Variants in LDB3 observed in about 807,000 individuals in gnomAD.
LDB3 encodes the protein LIM domain binding 3, also known as LIM domain-binding protein 3.
Under a neutral mutation model 69.0 loss-of-function variants are expected in LDB3, and 49 were observed. The observed-to-expected ratio is 0.71, with a 90% CI of 0.56 to 0.90. LDB3 has a LOEUF of 0.90. Among genes scored for constraint, LDB3 ranks in the 40% least tolerant of loss-of-function variants. The pLI is 0.00. For synonymous variants in LDB3, 387 were observed against 396.2 expected (o/e 0.98, Z 0.28); for missense variants, 928 against 974.1 (o/e 0.95, Z 0.63).
intron 13 of LDB3, among the ~76,000 whole-genome samples, chr10:86,726,771 T>TAGGAAAGG (rs1389003552): frequency 3.3e-5 from 5 of 152,322 alleles, no homozygotes; most frequent in African/African-American, 9.6e-5. Context: ...AAGTGGTCCT[T>TAGGAAAGG]TCCTGATATA....
chr10:86,668,700 C>T lies in LDB3; in HGVS notation c.9C>T (p.Tyr3=). The change falls in exon 2 of 14, where the codon TAC becomes TAT. Residue 3 remains tyrosine (Y), a synonymous_variant. Coordinates refer to ENST00000361373, the MANE Select transcript of LDB3 (RefSeq NM_007078.3). ...CCGCTGACAGCACCAGCATGTCTTA[C>T]AGTGTGACCCTGACTGGGCCCGGGC... MS[Y]SVTLTGPGPW... 1.9e-6 allele frequency: 3 copies of T among 1,613,270 alleles called. No homozygotes were observed. Among genetic ancestry groups the T allele is most frequent in the Non-Finnish European group, 1.7e-6 (2 of 1,179,846 alleles).
chr10:86,699,274 A>C lies in LDB3; in HGVS notation c.896+6703A>C, dbSNP rs1236537214. On this transcript the variant is annotated intron_variant, in intron 7 of 13. Coordinates refer to ENST00000361373, the MANE Select transcript of LDB3 (RefSeq NM_007078.3). The surrounding 1 kb of genome is among the most constrained non-coding windows in gnomAD (Gnocchi z 4.9). Reference sequence around the variant, plus strand: ...CTCTCTCTCTCTCTCTCTCTGTGCCACAGGGAAAGGTTTGAAACGGAACGT... The same window carrying C: ...CTCTCTCTCTCTCTCTCTCTGTGCCCCAGGGAAAGGTTTGAAACGGAACGT... 1 of 1,612,754 alleles carries C rather than the reference A, an allele frequency of 6.2e-7. No individual in the cohort carries two copies. The highest frequency in any genetic ancestry group is 1.1e-5 in the South Asian group (1 of 91,024).
intron 13 of LDB3, among the ~76,000 whole-genome samples, chr10:86,727,782 G>T (rs1209172734): frequency 6.6e-6 from 1 of 150,848 alleles, no homozygotes; most frequent in African/African-American, 2.4e-5. Context: ...CTCTGTGTGT[G>T]TCTTCACATG....
At chr10:86,672,974 C>G (rs1431718729) in intron 2 of LDB3, among the ~76,000 whole-genome samples, 1 of 152,222 alleles carries the variant, frequency 6.6e-6, no homozygotes, top group Non-Finnish European at 1.5e-5. Flanking sequence ...CCCTGAGTCT[C>G]CTTCCCTTTC....
At chr10:86,713,393 G>A (rs184655814) in intron 9 of LDB3, among the ~76,000 whole-genome samples, 4 of 151,998 alleles carry the variant, frequency 2.6e-5, no homozygotes, top group Admixed American at 6.6e-5. Context: ...TTTACAAGGC[G>A]CCCACCACCA....
intron 7 of LDB3, among the ~76,000 whole-genome samples, chr10:86,693,765 T>C (rs538172213): frequency 6.6e-6 from 1 of 152,290 alleles, no homozygotes; most frequent in South Asian, 2.1e-4. Flanking sequence ...AGCTCTCAGC[T>C]CTCCCCTCCC....
chr10:86,711,098 C>T (rs1423868162), intron 9 of LDB3, among the ~76,000 whole-genome samples: 1 of 152,214 alleles, frequency 6.6e-6, no homozygotes, highest in Non-Finnish European at 1.5e-5. Flanking sequence ...GCTGCCCCTG[C>T]AGAGACTGGG....
At chr10:86,703,129 T>C (rs1205286608) in intron 7 of LDB3, among the ~76,000 whole-genome samples, 1 of 152,182 alleles carries the variant, frequency 6.6e-6, no homozygotes, top group Non-Finnish European at 1.5e-5. Context: ...CTACAGAATA[T>C]TGTCCCCAGC....
intron 7 of LDB3, among the ~76,000 whole-genome samples, chr10:86,698,213 A>G (rs1846091242): frequency 6.6e-6 from 1 of 152,252 alleles, no homozygotes; most frequent in African/African-American, 2.4e-5. Flanking sequence ...AAGATTGGCC[A>G]TTTTTTAATC....
At chr10:86,698,806 C>T (rs999172286) in intron 7 of LDB3, among the ~76,000 whole-genome samples, 30 of 152,264 alleles carry the variant, frequency 2.0e-4, no homozygotes, top group African/African-American at 6.0e-4. Flanking sequence ...AGCCTCATCA[C>T]GGGGGATAGG....
Position 86,681,694 on chromosome 10 carries a change from C to T in LDB3, c.580C>T (p.Gln194Ter). 1 of 1,613,652 alleles carries T rather than the reference C, an allele frequency of 6.2e-7. No individual in the cohort carries two copies. The highest frequency in any genetic ancestry group is 8.5e-7 in the Non-Finnish European group (1 of 1,179,910). Residue 194 changes from glutamine to a stop codon, truncating the protein, a stop_gained, in exon 5 of 14, where the codon CAA (glutamine) becomes TAA (stop). Coordinates refer to ENST00000361373, the MANE Select transcript of LDB3 (RefSeq NM_007078.3). LOFTEE classifies it high-confidence loss of function. ...KALPGSSQPR[Q>*]YNNPIGLYSA... ...CCTGCCGGGCTCGAGCCAGCCGAGG[C>T]AATATAACAACCCCATTGGCCTGTA...
intron 10 of LDB3, 110 bp downstream of exon 10, chr10:86,716,881 A>G (rs550892949): frequency 3.3e-6 from 4 of 1,217,834 alleles, no homozygotes; most frequent in African/African-American, 3.0e-5. Flanking sequence ...AGGCAGGTGT[A>G]GGGAGAAAGC....
chr10:86,681,289 C>G, intron 4 of LDB3, 147 bp from the exon 5 acceptor site: 1 of 1,217,992 alleles, frequency 8.2e-7, no homozygotes, highest in Non-Finnish European at 1.2e-6. Flanking sequence ...GTGTCCTCCC[C>G]TCCAAGTGCT....
intron 7 of LDB3, among the ~76,000 whole-genome samples, chr10:86,703,406 G>A (rs554702311): frequency 6.6e-6 from 1 of 152,332 alleles, no homozygotes; most frequent in South Asian, 2.1e-4. Context: ...AGGTGGGTTC[G>A]TGGAAGGGCC....
chr10:86,671,560 A>T (rs1036402202), intron 2 of LDB3, among the ~76,000 whole-genome samples: 1 of 151,634 alleles, frequency 6.6e-6, no homozygotes, highest in Non-Finnish European at 1.5e-5. Flanking sequence ...CTGCAACATG[A>T]GCTGCCCTTT....
intron 8 of LDB3, among the ~76,000 whole-genome samples, chr10:86,708,286 C>T (rs986711560): frequency 6.6e-6 from 1 of 152,216 alleles, no homozygotes; most frequent in Admixed American, 6.5e-5. Context: ...GAAGGGGTCA[C>T]GGGTTTGCAC....
chr10:86,667,186 C>A (rs555733821), upstream of LDB3, among the ~76,000 whole-genome samples: 47 of 152,240 alleles, frequency 3.1e-4, no homozygotes, highest in African/African-American at 1.1e-3. Flanking sequence ...CAAAACAACC[C>A]CGTAATATGG....
chr10:86,726,617 A>G (rs17335168), intron 13 of LDB3, among the ~76,000 whole-genome samples: 8,476 of 152,262 alleles, frequency 0.056, 347 homozygotes, highest in Non-Finnish European at 0.073. Context: ...CACTTCAGAT[A>G]TGATGGAGTG....
intron 13 of LDB3, 108 bp from the exon 14 acceptor site, chr10:86,732,779 C>T (rs773954544): frequency 6.1e-6 from 5 of 825,994 alleles, no homozygotes; most frequent in South Asian, 4.5e-5. Context: ...GCTGGGATTA[C>T]AGGACTGAGC....
Sources: allele counts gnomAD v4.1 joint callset (sites outside exome capture counted in the v4.1 genomes callset), GRCh38; gene constraint gnomAD v4.1.1; non-coding constraint Gnocchi (gnomAD v3.1); transcripts MANE v1.5; gene names NCBI Gene and HGNC (gene_info 2026-07-23, HGNC 2026-07-21).